Variants in USP24 observed in about 807,000 individuals in gnomAD.
The protein encoded by USP24 is ubiquitin carboxyl-terminal hydrolase 24.
Under a neutral mutation model 361.6 loss-of-function variants are expected in USP24, and 97 were observed. The observed-to-expected ratio is 0.27, with a 90% confidence interval of 0.23 to 0.32. The LOEUF (loss-of-function observed/expected upper bound fraction) is 0.32. Ranked by LOEUF, USP24 falls within the 10% of genes least tolerant of loss-of-function variation. The pLI is 1.00. For synonymous variants in USP24, 1,098 were observed against 1,124.6 expected, an observed-to-expected ratio of 0.98 and a Z score of 0.47; for missense variants, 2,353 against 3,165.6, an observed-to-expected ratio of 0.74 and a Z score of 6.16.
chr1:55,141,854 C>T, intron 23 of USP24, 123 bp from the exon 24 acceptor site: 1 of 855,932 alleles, frequency 1.2e-6, no homozygotes, highest in Non-Finnish European at 1.9e-6. Context: ...GGATGTTTAA[C>T]AGGATCCCTG....
intron 62 of USP24, among the ~76,000 whole-genome samples, chr1:55,076,571 T>C (rs1227408126): frequency 6.6e-6 from 1 of 152,210 alleles, no homozygotes; most frequent in Non-Finnish European, 1.5e-5. Flanking sequence ...AATGATTCTC[T>C]TTCCACAATA....
Position 55,110,488 on chromosome 1 carries a change from A to T in USP24, c.4509-242T>A, listed in dbSNP as rs143847415. On this transcript the variant is annotated intron_variant, in intron 38 of 67. Coordinates refer to ENST00000294383, the MANE Select transcript of USP24 (RefSeq NM_015306.3). ...CACTAAATCTATCACATCTTAAAAT[A>T]ATATATGCACTGATTGCATACGTAA... 3.0e-3 allele frequency among the ~76,000 whole-genome samples: 462 copies of T among 152,332 alleles called. 5 individuals are homozygous for T. Among genetic ancestry groups the T allele is most frequent in the African/African-American group, 0.01 (423 of 41,586 alleles).
At chr1:55,194,153 T>C (rs1644359158) in intron 1 of USP24, among the ~76,000 whole-genome samples, 1 of 152,228 alleles carries the variant, frequency 6.6e-6, no homozygotes, top group Non-Finnish European at 1.5e-5. Context: ...CTAGTATTTT[T>C]TAATCCATTA....
chr1:55,103,429 G>C (rs182235476), intron 42 of USP24, among the ~76,000 whole-genome samples: 320 of 152,230 alleles, frequency 2.1e-3, no homozygotes, highest in African/African-American at 7.5e-3. Context: ...CTTGAGGGCT[G>C]GGATCCTATT....
At chr1:55,123,623 A>G (rs1247748052) in intron 35 of USP24, 21 bp from the exon 36 acceptor site, 4 of 1,573,066 alleles carry the variant, frequency 2.5e-6, no homozygotes, top group Non-Finnish European at 3.5e-6. Context: ...GTAAGCAGAA[A>G]TTTACTGTGG....
Position 55,188,946 on chromosome 1 carries a change from A to G in USP24, c.325-10814T>C, listed in dbSNP as rs1365419455. ...CCCATTGCACTCCAGCCTGGACAAC[A>G]AGAGCAAAACTCCATCTCAAAAAAA... On this transcript the variant is annotated intron_variant, in intron 1 of 67. Coordinates refer to ENST00000294383, the MANE Select transcript of USP24 (RefSeq NM_015306.3). Among the ~76,000 whole-genome samples the G allele has an allele frequency of 4.9e-5, 7 of 142,326 alleles. No homozygotes were observed. In the South Asian group the frequency reaches 1.4e-3, roughly 29 times the overall value. The allele number at this position is 142,326 out of a possible 152,430, so 93.4% of individuals were successfully genotyped here. A position where few individuals can be genotyped will look rare whatever the true frequency, so the allele number is the denominator to read the frequency against.
At chr1:55,187,120 A>G (rs895639718) in intron 1 of USP24, among the ~76,000 whole-genome samples, 1 of 152,060 alleles carries the variant, frequency 6.6e-6, no homozygotes, top group African/African-American at 2.4e-5. Flanking sequence ...ACAAAAAAAC[A>G]AACAAACAAA....
intron 66 of USP24, 118 bp from the exon 67 acceptor site, chr1:55,072,042 G>A (rs1263284013): frequency 3.3e-6 from 3 of 913,260 alleles, no homozygotes; most frequent in Non-Finnish European, 5.1e-6. Context: ...TGAGAGTGAG[G>A]CCTTCATCAC....
At position 55,103,896 on chromosome 1, in the gene USP24, C is replaced by T; in HGVS notation, c.5005G>A (p.Ala1669Thr). The T allele has an allele frequency of 6.2e-7, 1 of 1,612,670 alleles. No homozygotes were observed. The highest frequency in any genetic ancestry group is 8.5e-7 in the Non-Finnish European group (1 of 1,179,312). Reference sequence around the variant, plus strand: ...CCTACATCAAACTCCTTGGTAAGAGCAGGGTCAGGCTGGTGATGCATAGAA... The same window carrying T: ...CCTACATCAAACTCCTTGGTAAGAGTAGGGTCAGGCTGGTGATGCATAGAA... ...LLSMHHQPDP[A>T]LTKEFDYLPP... Residue 1669 changes from alanine to threonine, a missense_variant, in exon 42 of 68, where the codon GCT becomes ACT. This residue lies in a region of USP24 where 949 missense variants were observed against 1,280.5 expected (regional missense o/e 0.74). Coordinates refer to ENST00000294383, the MANE Select transcript of USP24 (RefSeq NM_015306.3).
At chr1:55,111,875 C>T (rs372804059) in intron 38 of USP24, among the ~76,000 whole-genome samples, 116 of 151,790 alleles carry the variant, frequency 7.6e-4, no homozygotes, top group Non-Finnish European at 1.4e-3. Flanking sequence ...ATGTAGAAGC[C>T]GGGATACAGG....
chr1:55,141,821 G>A, intron 23 of USP24, 90 bp from the exon 24 acceptor site: 10 of 1,108,632 alleles, frequency 9.0e-6, no homozygotes, highest in Non-Finnish European at 1.3e-5. Flanking sequence ...TGTTGCAGAG[G>A]GCTGTCCTGG....
At chr1:55,148,338 G>T (rs775727460) in intron 17 of USP24, 125 bp downstream of exon 17, 10 of 590,838 alleles carry the variant, frequency 1.7e-5, no homozygotes, top group East Asian at 6.7e-5. Context: ...ATTATTAGAT[G>T]ATATAAGTGA....
intron 56 of USP24, among the ~76,000 whole-genome samples, chr1:55,084,890 T>C (rs1156573425): frequency 6.6e-6 from 1 of 152,184 alleles, no homozygotes; most frequent in Non-Finnish European, 1.5e-5. Flanking sequence ...TGACCCCATC[T>C]CTAGGGAGGC....
intron 38 of USP24, among the ~76,000 whole-genome samples, chr1:55,110,822 T>C (rs1258708767): frequency 6.6e-6 from 1 of 152,184 alleles, no homozygotes; most frequent in African/African-American, 2.4e-5. Flanking sequence ...CCCCTACTTA[T>C]AGCAGCTGGA....
At chr1:55,130,054 A>T (rs1031430505) in intron 31 of USP24, among the ~76,000 whole-genome samples, 2 of 152,194 alleles carry the variant, frequency 1.3e-5, no homozygotes, top group Non-Finnish European at 2.9e-5. Context: ...TGAAAGGTTA[A>T]GTAGGTTAAG....
At chr1:55,155,131 C>A (rs1480552137) in intron 12 of USP24, among the ~76,000 whole-genome samples, 1 of 152,046 alleles carries the variant, frequency 6.6e-6, no homozygotes, top group Non-Finnish European at 1.5e-5. Context: ...AACAAATGTA[C>A]CCACTTTTGA....
intron 1 of USP24, among the ~76,000 whole-genome samples, chr1:55,180,890 A>G (rs1405610557): frequency 6.6e-6 from 1 of 152,230 alleles, no homozygotes. Context: ...GGCACCTAGC[A>G]TAAAGTAGGT....
chr1:55,210,635 A>AG (rs1414293955), intron 1 of USP24, among the ~76,000 whole-genome samples: 2 of 152,220 alleles, frequency 1.3e-5, no homozygotes, highest in Non-Finnish European at 2.9e-5. Context: ...AGGTAAGTTA[A>AG]GGAACTACAA....
intron 38 of USP24, among the ~76,000 whole-genome samples, chr1:55,119,269 C>T (rs1185912065): frequency 1.3e-5 from 2 of 152,156 alleles, no homozygotes; most frequent in Non-Finnish European, 2.9e-5. Context: ...CATGCTACAA[C>T]ATGAATAAAC....
Sources: allele counts gnomAD v4.1 joint callset (sites outside exome capture counted in the v4.1 genomes callset), GRCh38; gene constraint gnomAD v4.1.1; regional missense constraint gnomAD v4.1.1; transcripts MANE v1.5; gene names NCBI Gene and HGNC (gene_info 2026-07-23, HGNC 2026-07-21).